CPT1B: variants seen among roughly 807,000 people sequenced by gnomAD.
CPT1B encodes carnitine O-palmitoyltransferase 1, muscle isoform.
In CPT1B, 57 loss-of-function variants were observed where a neutral mutation model predicts 92.7. The observed-to-expected ratio is 0.62, with a 90% CI of 0.50 to 0.77. CPT1B has a LOEUF of 0.77. Ranked by LOEUF, CPT1B falls within the 30% of genes least tolerant of loss-of-function variation. The pLI is 0.00. For missense variants in CPT1B, 983 were observed against 1,017.4 expected, an observed-to-expected ratio of 0.97 and a Z score of 0.46; for synonymous variants, 398 against 383.5, an observed-to-expected ratio of 1.04 and a Z score of -0.44.
In CPT1B at chr22:50,577,374, C is replaced by A; in HGVS notation, c.231G>T (p.Val77=). 6.2e-7 allele frequency: 1 copy of A among 1,613,942 alleles called. No homozygotes were observed. Among genetic ancestry groups the A allele is most frequent in the African/African-American group, 1.3e-5 (1 of 75,054 alleles). The part of the protein sequence containing the change: ...MATVGSSFCN[V]DISLGLVSCI... ...AACTGACCAGCCCCAAGGAGATGTCCACGTTGCAGAAGGAGGAACCCACTG... is the reference window on the plus strand; with the variant it reads ...AACTGACCAGCCCCAAGGAGATGTCAACGTTGCAGAAGGAGGAACCCACTG... The change falls in exon 3 of 20, where the codon GTG becomes GTT. Residue 77 remains valine (V), a synonymous_variant. Coordinates refer to ENST00000312108, the MANE Select transcript of CPT1B (RefSeq NM_152246.3).
In CPT1B at chr22:50,576,920, G is replaced by C; in HGVS notation, c.396C>G (p.Leu132=). The C allele has an allele frequency of 6.2e-7, 1 of 1,614,120 alleles. No individual in the cohort carries two copies. Residue 132 remains leucine (L), a synonymous_variant, in exon 4 of 20, where the codon CTC becomes CTG. Transcript: ENST00000312108. ...FFFRQTLKLL[L]CYHGWMFEMH... The stretch of plus-strand genomic sequence containing the variant: ...TCTCAAACATCCACCCATGGTAGCA[G>C]AGAAGCAGCTTCAGGGTTTGGCGGA...
At position 50,573,588 on chromosome 22, in the gene CPT1B, C is replaced by A; in HGVS notation, c.1098G>T (p.Arg366Ser). 6.2e-7 allele frequency: 1 copy of A among 1,613,696 alleles called. No homozygotes were observed. The highest frequency in any genetic ancestry group is 1.1e-5 in the South Asian group (1 of 91,084). Residue 366 changes from arginine to serine, a missense_variant, in exon 10 of 20, where the codon AGG (arginine) becomes AGT (serine). Transcript: ENST00000312108. The surrounding 1 kb of genome is among the most constrained non-coding windows in gnomAD (Gnocchi z 5.0). ...GAGGTGGGGAGGGGTCGTCCAGGAT[C>A]CTCTGGAACTGCATCTCCAGATCCT... ...KPQDLEMQFQRILDDPSPPQP... is the reference protein window; with the variant it reads ...KPQDLEMQFQSILDDPSPPQP...
intron 17 of CPT1B, among the ~76,000 whole-genome samples, chr22:50,569,871 C>T (rs776777748): frequency 6.6e-6 from 1 of 152,200 alleles, no homozygotes; most frequent in Non-Finnish European, 1.5e-5. Flanking sequence ...TCTGGGACCT[C>T]CCAGTTTCCC....
Position 50,574,600 on chromosome 22 carries a change from C to A in CPT1B, c.778G>T (p.Asp260Tyr), listed in dbSNP as rs1021058086. 6.2e-7 allele frequency: 1 copy of A among 1,613,954 alleles called. No homozygotes were observed. The highest frequency in any genetic ancestry group is 8.5e-7 in the Non-Finnish European group (1 of 1,179,926). The change falls in exon 8 of 20, where the codon GAC (aspartate) becomes TAC (tyrosine). Residue 260 changes from aspartate to tyrosine, a missense_variant and splice_region_variant. By Grantham distance (160) the Asp-to-Tyr change is radical. Coordinates refer to ENST00000312108, the MANE Select transcript of CPT1B (RefSeq NM_152246.3). ...TCTGTATTCTTGATGAGCACAAGGT[C>A]CTACAGAGGAACAGAGCCCGCGGGG... ...LMVNSNYYVM[D>Y]LVLIKNTDVQ...
chr22:50,573,480 G>C lies in CPT1B; in HGVS notation c.1166+40C>G, dbSNP rs370086335. Reference sequence around the variant, plus strand: ...CACGCTCCTCTCCTCACGGAGCCCTGAACTCAGGGTGGGGACAGTCCCTTC... The same window carrying C: ...CACGCTCCTCTCCTCACGGAGCCCTCAACTCAGGGTGGGGACAGTCCCTTC... On this transcript the variant is annotated intron_variant, in intron 10 of 19. Coordinates refer to ENST00000312108, the MANE Select transcript of CPT1B (RefSeq NM_152246.3). This position sits in a 1 kb window ranked among gnomAD's most constrained non-coding sequence, Gnocchi z 5.0. 9.1e-6 allele frequency: 14 copies of C among 1,543,248 alleles called. No individual in the cohort carries two copies. Among genetic ancestry groups the C allele is most frequent in the South Asian group, 4.8e-5 (4 of 83,854 alleles).
rs2070445596 is a variant in CPT1B at position 50,576,533 on chromosome 22, C to T, written c.561+3G>A. On this transcript the variant is annotated splice_donor_region_variant and intron_variant, in intron 5 of 19. Coordinates refer to ENST00000312108, the MANE Select transcript of CPT1B (RefSeq NM_152246.3). ...CACTGGGATGCCCAAGCGAGGCCCTCACCCGCTGAATTGTGGCTGACACCC... is the reference window on the plus strand; with the variant it reads ...CACTGGGATGCCCAAGCGAGGCCCTTACCCGCTGAATTGTGGCTGACACCC... The T allele has an allele frequency of 6.3e-7, 1 of 1,599,646 alleles. No homozygotes were observed. Among genetic ancestry groups the T allele is most frequent in the Non-Finnish European group, 8.5e-7 (1 of 1,172,856 alleles).
chr22:50,577,675 C>T lies in CPT1B; in HGVS notation c.141+100G>A, dbSNP rs557759298. The T allele has an allele frequency of 5.2e-6, 8 of 1,524,670 alleles. No homozygotes were observed. In the African/African-American group the frequency reaches 1.1e-4, roughly 21 times the overall value. The allele number at this position is 1,524,670 out of a possible 1,614,324, so 94.4% of individuals were successfully genotyped here. On this transcript the variant is annotated intron_variant, in intron 2 of 19. Coordinates refer to ENST00000312108, the MANE Select transcript of CPT1B (RefSeq NM_152246.3). The stretch of plus-strand genomic sequence containing the variant: ...CTGTACTTCCACAACCTGTACCGGG[C>T]AGAAGTGCCAGCCAAGGAGGCAGTG...
chr22:50,569,753 A>G, intron 17 of CPT1B, 85 bp from the exon 18 acceptor site: 1 of 1,207,980 alleles, frequency 8.3e-7, no homozygotes, highest in Non-Finnish European at 1.2e-6. Flanking sequence ...TGTTCTTCCC[A>G]CAAGAGTTGC....
At position 50,577,002 on chromosome 22, in the gene CPT1B, G is replaced by A; in HGVS notation, c.314C>T (p.Ala105Val). ...GGAGAAGATGGCCATGCTGAGAAGTGCCCGGGTCTGCGGGGTCTGGTAGGG... is the reference window on the plus strand; with the variant it reads ...GGAGAAGATGGCCATGCTGAGAAGTACCCGGGTCTGCGGGGTCTGGTAGGG... Reference protein sequence around the residue: ...CGPYQTPQTRALLSMAIFSTG... With the variant: ...CGPYQTPQTRVLLSMAIFSTG... The change falls in exon 4 of 20, where the codon GCA (alanine) becomes GTA (valine). Residue 105 changes from alanine to valine, a missense_variant. Coordinates refer to ENST00000312108, the MANE Select transcript of CPT1B (RefSeq NM_152246.3). 6.2e-7 allele frequency: 1 copy of A among 1,614,070 alleles called. No homozygotes were observed. Among genetic ancestry groups the A allele is most frequent in the Non-Finnish European group, 8.5e-7 (1 of 1,180,030 alleles).
Position 50,572,041 on chromosome 22 carries a change from G to A in CPT1B, c.1540C>T (p.Pro514Ser). The change falls in exon 13 of 20, where the codon CCT becomes TCT. Residue 514 changes from proline (P) to serine (S), a missense_variant. Pro to Ser is a moderately conservative substitution (Grantham distance 74). Coordinates refer to ENST00000312108, the MANE Select transcript of CPT1B (RefSeq NM_152246.3). ...CLGKPNPALAPPTRLQWDIPK... is the reference protein window; with the variant it reads ...CLGKPNPALASPTRLQWDIPK... ...ATGTCCCACTGCAGCCGTGTAGGAG[G>A]TGCGAGCGCAGGGTTCGGTTTGCCC... 1 of 1,614,148 alleles carries A rather than the reference G, an allele frequency of 6.2e-7. No homozygotes were observed. The highest frequency in any genetic ancestry group is 8.5e-7 in the Non-Finnish European group (1 of 1,180,018).
chr22:50,577,926 G>A lies in CPT1B; in HGVS notation c.-11C>T. The A allele has an allele frequency of 6.2e-7, 1 of 1,605,184 alleles. No homozygotes were observed. Among genetic ancestry groups the A allele is most frequent in the Middle Eastern group, 1.7e-4 (1 of 5,988 alleles). ...GTGAGCTTCCGCCATCCTGGGGGTTGGTCGGCACCTAGGACGGGGGCAGAT... is the reference window on the plus strand; with the variant it reads ...GTGAGCTTCCGCCATCCTGGGGGTTAGTCGGCACCTAGGACGGGGGCAGAT... On this transcript the variant is annotated 5_prime_UTR_variant, in exon 2 of 20. Transcript: ENST00000312108.
intron 19 of CPT1B, 127 bp downstream of exon 19, chr22:50,569,209 G>C: frequency 1.2e-6 from 1 of 843,686 alleles, no homozygotes; most frequent in Non-Finnish European, 1.9e-6. Flanking sequence ...TGCCCAGCGA[G>C]GACCTGCTGC....
At chr22:50,576,776 C>T (rs1001980632) in intron 4 of CPT1B, 81 bp downstream of exon 4, 16 of 1,582,660 alleles carry the variant, frequency 1.0e-5, no homozygotes, top group Admixed American at 1.0e-4. Flanking sequence ...CTGTCTGCCT[C>T]TCCCGTCTAG....
At chr22:50,575,841 C>T (rs1212478155) in intron 7 of CPT1B, among the ~76,000 whole-genome samples, 194 bp downstream of exon 7, 2 of 152,106 alleles carry the variant, frequency 1.3e-5, no homozygotes, top group East Asian at 1.9e-4. Flanking sequence ...CCTTAGGATC[C>T]CCATTGCCCC....
rs1804702 is a variant in CPT1B at position 50,570,928 on chromosome 22, G to A, written c.1991C>T (p.Ser664Phe). ...AGGAGAGCTGACTCCTAGGTACTTG[G>A]AGACCAAGTAAAGGCAGAAGAGGTG... ...DRHLFCLYLV[S>F]KYLGVSSPFL... The change falls in exon 16 of 20, where the codon TCC (serine) becomes TTC (phenylalanine). Residue 664 changes from serine to phenylalanine, a missense_variant. Transcript: ENST00000312108. The A allele has an allele frequency of 4.3e-6, 7 of 1,613,868 alleles. No homozygotes were observed. The highest frequency in any genetic ancestry group is 5.9e-6 in the Non-Finnish European group (7 of 1,180,028).
rs1349566582 is a variant in CPT1B, at chr22:50,570,906, A to C, written c.2013T>G (p.Ser671=). 1.9e-6 allele frequency: 3 copies of C among 1,613,614 alleles called. No individual in the cohort carries two copies. In the South Asian group the frequency reaches 3.3e-5, roughly 18 times the overall value. Residue 671 remains serine, a synonymous_variant, in exon 16 of 20, where the codon TCT becomes TCG. Transcript: ENST00000312108. ...CGGTGCTGACCTCAGCAAGGAAAGG[A>C]GAGCTGACTCCTAGGTACTTGGAGA... The part of the protein sequence containing the change: ...YLVSKYLGVS[S]PFLAEVLSEP...
Position 50,577,877 on chromosome 22 carries a change from C to A in CPT1B, c.39G>T (p.Thr13=). Residue 13 remains threonine, a synonymous_variant, in exon 2 of 20, where the codon ACG becomes ACT. Coordinates refer to ENST00000312108, the MANE Select transcript of CPT1B (RefSeq NM_152246.3). ...EAHQAVAFQF[T]VTPDGVDFRL... is the part of the protein sequence containing the mutation. ...GGAAGTCGACCCCGTCTGGGGTCAC[C>A]GTGAACTGGAAGGCCACGGCCTGGT... 2 of 1,613,224 alleles carry A rather than the reference C, an allele frequency of 1.2e-6. No homozygotes were observed. The highest frequency in any genetic ancestry group is 1.7e-6 in the Non-Finnish European group (2 of 1,179,636).
At chr22:50,578,071 C>T in intron 1 of CPT1B, 137 bp from the exon 2 acceptor site, 2 of 402,744 alleles carry the variant, frequency 5.0e-6, no homozygotes, top group Non-Finnish European at 7.2e-6. Flanking sequence ...CCCGCGCCCC[C>T]CGCCAGGCCA....
At chr22:50,572,406 C>T (rs2070222020) in intron 11 of CPT1B, 98 bp from the exon 12 acceptor site, 1 of 715,812 alleles carries the variant, frequency 1.4e-6, no homozygotes. Flanking sequence ...TAACCCTATT[C>T]TCTCTCTCTT....
Sources: gnomAD v4.1 joint callset for allele counts (sites outside exome capture counted in the v4.1 genomes callset) on GRCh38, gnomAD v4.1.1 for gene constraint, Gnocchi (gnomAD v3.1) non-coding constraint, MANE v1.5 for transcripts, NCBI Gene and HGNC (gene_info 2026-07-23, HGNC 2026-07-21) for gene names.